FPGS: variants seen among roughly 807,000 people sequenced by gnomAD.
The protein encoded by FPGS is folylpolyglutamate synthase.
In FPGS, 53 loss-of-function variants were observed where a neutral mutation model predicts 66.5. That is an observed-to-expected ratio of 0.80 (90% CI 0.64 to 1.00). The LOEUF (loss-of-function observed/expected upper bound fraction) is 1.00, where lower values mean the gene tolerates loss of function less well. FPGS is among the 50% of genes least tolerant of loss of function. The pLI is 0.00. For missense variants in FPGS, 702 were observed against 807.7 expected (o/e 0.87, Z 1.59); for synonymous variants, 348 against 350.9 (o/e 0.99, Z 0.09).
Position 127,807,620 on chromosome 9 carries a change from A to G in FPGS, c.676A>G (p.Ile226Val), listed in dbSNP as rs760977296. The G allele has an allele frequency of 1.2e-6, 2 of 1,611,650 alleles. No homozygotes were observed. Among genetic ancestry groups the G allele is most frequent in the Non-Finnish European group, 1.7e-6 (2 of 1,179,274 alleles). Residue 226 changes from isoleucine (I) to valine (V), a missense_variant, in exon 8 of 15, where the codon ATC becomes GTC. Coordinates refer to ENST00000373247, the MANE Select transcript of FPGS (RefSeq NM_004957.6). This position sits in a 1 kb window ranked among gnomAD's most constrained non-coding sequence, Gnocchi z 5.8. ...GGTGTGCGGAGTCTCCTCTCTTGGC[A>G]TCGACCACACCAGCCTCCTGGGGGA... ...PVVCGVSSLG[I>V]DHTSLLGDTV...
At chr9:127,809,087 G>A (rs1025517619) in intron 11 of FPGS, among the ~76,000 whole-genome samples, 198 bp downstream of exon 11, 1 of 151,700 alleles carries the variant, frequency 6.6e-6, no homozygotes, top group African/African-American at 2.4e-5. Context: ...CTTCTCATCT[G>A]CCAAAGTAGA....
intron 12 of FPGS, 47 bp downstream of exon 12, chr9:127,809,881 G>C (rs1342110094): frequency 1.5e-6 from 2 of 1,309,338 alleles, no homozygotes; most frequent in Non-Finnish European, 2.1e-6. Context: ...CCACGAGGAG[G>C]GGCGGGATCT....
At chr9:127,803,926 C>A (rs1193125588) in intron 1 of FPGS, among the ~76,000 whole-genome samples, 1 of 152,172 alleles carries the variant, frequency 6.6e-6, no homozygotes, top group Non-Finnish European at 1.5e-5. Context: ...GTTCTGGCCC[C>A]GCTCTGGCAG....
chr9:127,802,966 G>T lies in FPGS; in HGVS notation c.42G>T (p.Leu14=). Residue 14 remains leucine, a synonymous_variant, in exon 1 of 15, where the codon CTG becomes CTT. Transcript: ENST00000373247. The part of the protein sequence containing the change: ...ARSHLRAALF[L]AAASARGITT... ...GCCACCTGCGCGCCGCTCTATTCCT[G>T]GCAGCGGCGTCTGCGCGCGGCATAA... 3 of 1,455,188 alleles carry T rather than the reference G, an allele frequency of 2.1e-6. No individual in the cohort carries two copies. The highest frequency in any genetic ancestry group is 2.7e-6 in the Non-Finnish European group (3 of 1,112,826). 90.1% of individuals were successfully genotyped at this position (1,455,188 alleles called of 1,614,324 possible). A position where few individuals can be genotyped will look rare whatever the true frequency, so the allele number is the denominator to read the frequency against.
At position 127,807,298 on chromosome 9, in the gene FPGS, C is replaced by CT; in HGVS notation, c.579+13dup. ...TCCTCCAAGAGAAGGTGTGTGCCCT[C>CT]TCCCTAGAACCCTGCATCTGAGGCC... is the stretch of plus-strand genomic sequence containing the variant. On this transcript the variant is annotated intron_variant, in intron 6 of 14. Coordinates refer to ENST00000373247, the MANE Select transcript of FPGS (RefSeq NM_004957.6). The surrounding 1 kb of genome is among the most constrained non-coding windows in gnomAD (Gnocchi z 5.8). 1.2e-6 allele frequency: 2 copies of CT among 1,614,116 alleles called. No homozygotes were observed. Among genetic ancestry groups the CT allele is most frequent in the Non-Finnish European group, 1.7e-6 (2 of 1,179,974 alleles).
rs749901901 is a variant in FPGS, at chr9:127,811,007, C to T, written c.1350C>T (p.Asn450=). The part of the protein sequence containing the change: ...PNLTEVSSTG[N]ADQQNFTVTL... ...TGACAGAGGTGTCATCCACAGGCAA[C>T]GCAGGTGAGAGGTGACAGGCATGGC... is the stretch of plus-strand genomic sequence containing the variant. The change falls in exon 14 of 15, where the codon AAC becomes AAT. Residue 450 remains asparagine, a synonymous_variant. Coordinates refer to ENST00000373247, the MANE Select transcript of FPGS (RefSeq NM_004957.6). 49 of 1,584,948 alleles carry T rather than the reference C, an allele frequency of 3.1e-5. No individual in the cohort carries two copies. The highest frequency in any genetic ancestry group is 3.0e-4 in the South Asian group (26 of 87,000).
At chr9:127,811,034 C>T in intron 14 of FPGS, 23 bp downstream of exon 14, 1 of 1,518,052 alleles carries the variant, frequency 6.6e-7, no homozygotes, top group South Asian at 1.2e-5. Context: ...AGGCATGGCC[C>T]CTGGGGATGA....
rs746300310 is a variant in FPGS at position 127,813,223 on chromosome 9, C to T, written c.1383C>T (p.Asp461=). Residue 461 remains aspartate, a synonymous_variant, in exon 15 of 15, where the codon GAC becomes GAT. Transcript: ENST00000373247. ...ADQQNFTVTL[D]QVLLRCLEHQ... ...AACAGAACTTCACAGTGACACTGGACCAGGTCCTGCTCCGCTGCCTGGAAC... is the reference window on the plus strand; with the variant it reads ...AACAGAACTTCACAGTGACACTGGATCAGGTCCTGCTCCGCTGCCTGGAAC... 77 of 1,599,522 alleles carry T rather than the reference C, an allele frequency of 4.8e-5. No homozygotes were observed. Among genetic ancestry groups the T allele is most frequent in the Non-Finnish European group, 6.2e-5 (73 of 1,172,080 alleles).
At position 127,810,125 on chromosome 9, in the gene FPGS, G is replaced by A; in HGVS notation, c.1287+19G>A. On this transcript the variant is annotated intron_variant, in intron 13 of 14. Transcript: ENST00000373247. ...GCTGCAGGTGAGGGGCCAACTTGGG[G>A]GTGGGCGGCAGGCAGTCCTGAAGCC... is the stretch of plus-strand genomic sequence containing the variant. The A allele has an allele frequency of 6.2e-7, 1 of 1,611,128 alleles. No homozygotes were observed.
intron 14 of FPGS, among the ~76,000 whole-genome samples, chr9:127,811,777 C>T (rs1459868697): frequency 4.6e-5 from 7 of 152,066 alleles, no homozygotes; most frequent in East Asian, 3.9e-4. Flanking sequence ...TGAGCCACCA[C>T]GCCCAGCCAG....
Position 127,807,393 on chromosome 9 carries a change from C to T in FPGS, c.580-28C>T. On this transcript the variant is annotated intron_variant, in intron 6 of 14. Coordinates refer to ENST00000373247, the MANE Select transcript of FPGS (RefSeq NM_004957.6). This position sits in a 1 kb window ranked among gnomAD's most constrained non-coding sequence, Gnocchi z 5.8. ...TGCGGCCTCTGGGCACCCTCATATC[C>T]CCTGCCATGCCCTCTGGTCTTTGAC... 3 of 1,613,222 alleles carry T rather than the reference C, an allele frequency of 1.9e-6. No homozygotes were observed. The highest frequency in any genetic ancestry group is 2.5e-6 in the Non-Finnish European group (3 of 1,179,382).
chr9:127,805,986 GTTC>G (rs1829792031), intron 4 of FPGS, among the ~76,000 whole-genome samples: 3 of 152,226 alleles, frequency 2.0e-5, no homozygotes, highest in Admixed American at 1.3e-4. Flanking sequence ...TCCCTAAACA[GTTC>G]TTGTTCAAAT....
At chr9:127,809,494 T>C (rs1047578415) in intron 11 of FPGS, among the ~76,000 whole-genome samples, 190 bp from the exon 12 acceptor site, 1 of 152,114 alleles carries the variant, frequency 6.6e-6, no homozygotes, top group Non-Finnish European at 1.5e-5. Flanking sequence ...CCTGAAAGAT[T>C]CCACCAGATG....
At chr9:127,811,489 A>T (rs542919508) in intron 14 of FPGS, among the ~76,000 whole-genome samples, 13 of 152,048 alleles carry the variant, frequency 8.5e-5, no homozygotes, top group African/African-American at 3.1e-4. Flanking sequence ...TCAAAAAAAA[A>T]AAAAATTAAT....
intron 14 of FPGS, among the ~76,000 whole-genome samples, chr9:127,812,123 C>A (rs576643293): frequency 6.6e-6 from 1 of 152,130 alleles, no homozygotes; most frequent in Non-Finnish European, 1.5e-5. Flanking sequence ...GTGGTGTACA[C>A]CCGTGGTCCT....
Position 127,804,561 on chromosome 9 carries a change from C to T in FPGS, c.321+9C>T, listed in dbSNP as rs1203081679. On this transcript the variant is annotated intron_variant, in intron 3 of 14. Coordinates refer to ENST00000373247, the MANE Select transcript of FPGS (RefSeq NM_004957.6). ...CTGGGACGAAGGGGAAGGTGAGGGG[C>T]AGGACCCTGGGGTAGGGGGTCTATT... The T allele has an allele frequency of 6.2e-7, 1 of 1,614,122 alleles. No individual in the cohort carries two copies. The highest frequency in any genetic ancestry group is 2.2e-5 in the East Asian group (1 of 44,886).
chr9:127,802,947 T>C lies in FPGS; in HGVS notation c.23T>C (p.Leu8Pro), dbSNP rs1233443165. The change falls in exon 1 of 15, where the codon CTG becomes CCG. Residue 8 changes from leucine (L) to proline (P), a missense_variant. Transcript: ENST00000373247. MSRARSH[L>P]RAALFLAAAS... Reference sequence around the variant, plus strand: ...ACTATGTCGCGGGCGCGGAGCCACCTGCGCGCCGCTCTATTCCTGGCAGCG... The same window carrying C: ...ACTATGTCGCGGGCGCGGAGCCACCCGCGCGCCGCTCTATTCCTGGCAGCG... 5.7e-6 allele frequency: 8 copies of C among 1,405,678 alleles called. No individual in the cohort carries two copies. The African/African-American group carries it at 6.1e-5, about 11-fold the overall frequency. 87.1% of individuals were successfully genotyped at this position (1,405,678 alleles called of 1,614,324 possible).
chr9:127,813,454 T>TA lies in FPGS; in HGVS notation c.1615dup (p.Ser539LysfsTer21). On this transcript the variant is annotated frameshift_variant, in exon 15 of 15. Transcript: ENST00000373247. LOFTEE classifies it high-confidence loss of function. ...GCCGAGACCCCATCTTCCAGCCACC[T>TA]AGTCCCCCAAAGGGCCTCCTCACCC... 1 of 1,612,586 alleles carries TA rather than the reference T, an allele frequency of 6.2e-7. No homozygotes were observed. The highest frequency in any genetic ancestry group is 8.5e-7 in the Non-Finnish European group (1 of 1,179,320).
chr9:127,808,166 G>C, intron 8 of FPGS, 68 bp from the exon 9 acceptor site: 1 of 1,192,640 alleles, frequency 8.4e-7, no homozygotes, highest in South Asian at 1.2e-5. Context: ...ACCCAGGGAT[G>C]TGGGGGCCAG....
Sources: gnomAD v4.1 joint callset for allele counts (sites outside exome capture counted in the v4.1 genomes callset) on GRCh38, gnomAD v4.1.1 for gene constraint, Gnocchi (gnomAD v3.1) non-coding constraint, MANE v1.5 for transcripts, NCBI Gene and HGNC (gene_info 2026-07-23, HGNC 2026-07-21) for gene names.